Variants in RNF212B observed in about 807,000 individuals in gnomAD.
The protein encoded by RNF212B is E3 ubiquitin-protein ligase RNF212B.
In RNF212B, 52 loss-of-function variants were observed where a neutral mutation model predicts 55.5. The ratio of observed to expected loss-of-function variants is 0.94; its 90% CI spans 0.75 to 1.18. RNF212B has a LOEUF of 1.18. RNF212B is among the 50% of genes most tolerant of loss of function. RNF212B has a pLI of 0.00. For missense variants in RNF212B, 289 were observed against 350.4 expected (o/e 0.82, Z 1.40); for synonymous variants, 99 against 121.4 (o/e 0.82, Z 1.21).
Position 23,272,983 on chromosome 14 carries a change from C to T in RNF212B, c.*92C>T. The T allele has an allele frequency of 2.9e-6, 2 of 698,456 alleles. No homozygotes were observed. Among genetic ancestry groups the T allele is most frequent in the Non-Finnish European group, 4.7e-6 (2 of 423,978 alleles). 43.3% of individuals were successfully genotyped at this position (698,456 alleles called of 1,614,324 possible). A position where few individuals can be genotyped will look rare whatever the true frequency, so the allele number is the denominator to read the frequency against. ...GGGTGATGGCCCTGGAAAATGTATC[C>T]CTGCATTGTTTCCTAGTTTCACTCT... On this transcript the variant is annotated 3_prime_UTR_variant, in exon 15 of 15. Transcript: ENST00000430154.
At chr14:23,257,469 A>C (rs1343425732) in intron 4 of RNF212B, among the ~76,000 whole-genome samples, 1 of 152,192 alleles carries the variant, frequency 6.6e-6, no homozygotes, top group Non-Finnish European at 1.5e-5. Context: ...CTTAAGTACA[A>C]TTCTTTAGTA....
chr14:23,262,738 C>T, intron 8 of RNF212B, 27 bp downstream of exon 8: 1 of 1,544,642 alleles, frequency 6.5e-7, no homozygotes, highest in Non-Finnish European at 8.8e-7. Context: ...CCCTAAATAT[C>T]TGTGTGAGAT....
chr14:23,234,449 C>T (rs936555753), upstream of RNF212B, among the ~76,000 whole-genome samples: 1 of 151,988 alleles, frequency 6.6e-6, no homozygotes, highest in Non-Finnish European at 1.5e-5. Context: ...TCGTCTGGTA[C>T]CTGTCTGTTT....
At chr14:23,267,308 C>G (rs924476341) in intron 11 of RNF212B, among the ~76,000 whole-genome samples, 3 of 152,086 alleles carry the variant, frequency 2.0e-5, no homozygotes, top group African/African-American at 7.2e-5. Flanking sequence ...GTCTTATTTT[C>G]TCTTCAATTC....
At chr14:23,194,261 A>AAT (rs1878417870) in intron 2 of RNF212B, among the ~76,000 whole-genome samples, 1 of 152,222 alleles carries the variant, frequency 6.6e-6, no homozygotes, top group Non-Finnish European at 1.5e-5. Context: ...AAAAAGCATC[A>AAT]ATATATATAA....
At chr14:23,231,983 T>C (rs1219388101) in intron 2 of RNF212B, among the ~76,000 whole-genome samples, 3 of 152,314 alleles carry the variant, frequency 2.0e-5, no homozygotes, top group East Asian at 1.9e-4. Flanking sequence ...GGCGTGATCT[T>C]GGCTAGCTAC....
Position 23,248,051 on chromosome 14 carries a change from T to A in RNF212B, c.228+3655T>A, listed in dbSNP as rs114490160. On this transcript the variant is annotated intron_variant, in intron 4 of 14. Transcript: ENST00000430154. ...GAGGGCTTACTCTTTGCTTCCAAGA[T>A]AATGCCTTCTTGCTGCATCCTCACA... Among the ~76,000 whole-genome samples the A allele has an allele frequency of 2.3e-3, 343 of 152,304 alleles. 4 individuals carry two copies. Among genetic ancestry groups the A allele is most frequent in the African/African-American group, 7.4e-3 (308 of 41,554 alleles).
At chr14:23,260,934 T>A (rs1168402128) in intron 7 of RNF212B, among the ~76,000 whole-genome samples, 1 of 152,176 alleles carries the variant, frequency 6.6e-6, no homozygotes, top group Non-Finnish European at 1.5e-5. Context: ...GAAATAGCAT[T>A]TGAACATAAA....
chr14:23,250,701 C>T (rs889267148), intron 4 of RNF212B, among the ~76,000 whole-genome samples: 1 of 152,094 alleles, frequency 6.6e-6, no homozygotes, highest in African/African-American at 2.4e-5. Flanking sequence ...TGAGGACATG[C>T]GCCTCAGAAG....
chr14:23,218,263 G>C (rs1403462616), intron 2 of RNF212B, among the ~76,000 whole-genome samples: 2 of 151,986 alleles, frequency 1.3e-5, no homozygotes, highest in Non-Finnish European at 2.9e-5. Flanking sequence ...AGCTACTCAG[G>C]AGGCTGAGAC....
At chr14:23,203,169 A>G (rs936152109) in intron 2 of RNF212B, among the ~76,000 whole-genome samples, 3 of 151,658 alleles carry the variant, frequency 2.0e-5, no homozygotes, top group African/African-American at 4.8e-5. Flanking sequence ...CCCAAAGTCC[A>G]TTATATCATT....
intron 2 of RNF212B, among the ~76,000 whole-genome samples, chr14:23,199,193 T>C (rs911658552): frequency 1.3e-5 from 2 of 152,148 alleles, no homozygotes; most frequent in Non-Finnish European, 2.9e-5. Context: ...CCCAAGGTGG[T>C]TGGGGTACAG....
At chr14:23,219,013 CT>C (rs1157341738) in intron 2 of RNF212B, among the ~76,000 whole-genome samples, 5 of 152,266 alleles carry the variant, frequency 3.3e-5, no homozygotes, top group African/African-American at 1.2e-4. Flanking sequence ...TCAGTGAAGA[CT>C]TACAAGCCCG....
At chr14:23,198,151 G>A (rs892948687) in intron 2 of RNF212B, among the ~76,000 whole-genome samples, 1 of 152,124 alleles carries the variant, frequency 6.6e-6, no homozygotes, top group Non-Finnish European at 1.5e-5. Context: ...GGGCTCAGAG[G>A]CCTGACATTC....
chr14:23,224,198 C>G (rs978556376), intron 2 of RNF212B, among the ~76,000 whole-genome samples: 3 of 150,468 alleles, frequency 2.0e-5, no homozygotes, highest in African/African-American at 7.3e-5. Flanking sequence ...CAATTCTTAT[C>G]AAAATACCGA....
At position 23,231,646 on chromosome 14, in the gene RNF212B, G is replaced by T. The variant is rs565347445; in HGVS notation, c.-1-8699G>T. 3.3e-5 allele frequency among the ~76,000 whole-genome samples: 5 copies of T among 151,066 alleles called. No homozygotes were observed. The East Asian group carries it at 7.8e-4, about 24-fold the overall frequency. On this transcript the variant is annotated intron_variant, in intron 2 of 15. Coordinates refer to the RNF212B transcript ENST00000399910. The stretch of plus-strand genomic sequence containing the variant: ...CCTCTCCCCTCTCCCCTCTCCCCAC[G>T]GTCTCCCTCTCCCTCTCTTTCCATG...
Position 23,260,580 on chromosome 14 carries a change from T to A in RNF212B, c.406-79T>A, listed in dbSNP as rs75462546. On this transcript the variant is annotated intron_variant, in intron 6 of 14. Transcript: ENST00000430154. ...GACTAAGGGGCACTGAGCTTAGTTATCTCGCAAGTAAGACTGAAGATCTGT... is the reference window on the plus strand; with the variant it reads ...GACTAAGGGGCACTGAGCTTAGTTAACTCGCAAGTAAGACTGAAGATCTGT... 6.4e-4 allele frequency: 867 copies of A among 1,354,506 alleles called. 8 individuals are homozygous for A. The East Asian group carries it at 0.019, about 30-fold the overall frequency. 83.9% of individuals were successfully genotyped at this position (1,354,506 alleles called of 1,614,324 possible).
chr14:23,205,027 TTAATAA>T (rs753787383), intron 2 of RNF212B, among the ~76,000 whole-genome samples: 4 of 152,312 alleles, frequency 2.6e-5, no homozygotes, highest in East Asian at 1.9e-4. Context: ...AAACCAAAAC[TTAATAA>T]TAATATTTGG....
intron 4 of RNF212B, among the ~76,000 whole-genome samples, chr14:23,252,474 G>T (rs1884490111): frequency 2.0e-5 from 3 of 152,130 alleles, no homozygotes; most frequent in South Asian, 2.1e-4. Context: ...ACCATATCAG[G>T]TTCATTGCCC....
Sources: allele counts gnomAD v4.1 joint callset (sites outside exome capture counted in the v4.1 genomes callset), GRCh38; gene constraint gnomAD v4.1.1; transcripts MANE v1.5; gene names NCBI Gene and HGNC (gene_info 2026-07-23, HGNC 2026-07-21).